The following SASH1 variants were observed in gnomAD, a reference collection of about 807,000 sequenced individuals.
SASH1 encodes SAM and SH3 domain containing 1.
SASH1 carries 44 observed loss-of-function variants against 125.2 expected under a neutral mutation model. The ratio of observed to expected loss-of-function variants is 0.35; its 90% CI spans 0.28 to 0.45. SASH1 has a LOEUF of 0.45. SASH1 is among the 20% of genes least tolerant of loss of function. SASH1 has a pLI of 1.00. For synonymous variants in SASH1, 639 were observed against 649.1 expected (o/e 0.98, Z 0.24); for missense variants, 1,426 against 1,614.5 (o/e 0.88, Z 2.00).
intron 1 of SASH1, among the ~76,000 whole-genome samples, chr6:148,284,667 A>G (rs1422180412): frequency 5.3e-5 from 8 of 152,226 alleles, no homozygotes; most frequent in Admixed American, 5.2e-4. Context: ...AACCATTACA[A>G]ACTCTTTGAG....
chr6:148,290,463 G>C (rs545952023), intron 1 of SASH1, among the ~76,000 whole-genome samples: 1 of 151,742 alleles, frequency 6.6e-6, no homozygotes, highest in Non-Finnish European at 1.5e-5. Flanking sequence ...AAAATTAGCC[G>C]GGCGTGGTGG....
At chr6:148,300,442 ATTTTT>A (rs34126353) in intron 1 of SASH1, among the ~76,000 whole-genome samples, 8,117 of 108,326 alleles carry the variant, frequency 0.075, 265 homozygotes, top group Admixed American at 0.12. Flanking sequence ...CAGAAACAAG[ATTTTT>A]TTTTTTTTTT....
chr6:148,440,689 T>A, intron 4 of SASH1: 1 of 416,076 alleles, frequency 2.4e-6, no homozygotes, highest in Non-Finnish European at 4.3e-6. Context: ...AAAGGATAGG[T>A]GCATTAACCA....
At chr6:148,219,580 A>G in the SASH1 span, among the ~76,000 whole-genome samples, 1 of 152,172 alleles carries the variant, frequency 6.6e-6, no homozygotes, top group African/African-American at 2.4e-5. Flanking sequence ...ACGCAGATAC[A>G]GGTGAAATGG....
chr6:148,457,390 C>G (rs2115064444), intron 4 of SASH1, among the ~76,000 whole-genome samples: 1 of 152,130 alleles, frequency 6.6e-6, no homozygotes, highest in South Asian at 2.1e-4. Context: ...ACTAGTGAAC[C>G]CCTTGACTCC....
intron 8 of SASH1, among the ~76,000 whole-genome samples, chr6:148,506,824 A>G (rs563126254): frequency 1.6e-4 from 24 of 152,322 alleles, no homozygotes; most frequent in African/African-American, 5.3e-4. Flanking sequence ...ACTTTGCAGC[A>G]TAGTTGTCAG....
chr6:148,438,595 G>T (rs1309358974), intron 2 of SASH1, among the ~76,000 whole-genome samples: 1 of 151,986 alleles, frequency 6.6e-6, no homozygotes, highest in African/African-American at 2.4e-5. Context: ...CCTGAGATTA[G>T]GGGAAGAGTG....
chr6:148,281,956 T>A, intron 1 of SASH1, among the ~76,000 whole-genome samples: 1 of 150,020 alleles, frequency 6.7e-6, no homozygotes, highest in African/African-American at 2.4e-5. Context: ...GAAAGAAAAC[T>A]CCAAGAAAGA....
chr6:148,307,630 A>G (rs1474050659), intron 1 of SASH1, among the ~76,000 whole-genome samples: 1 of 152,098 alleles, frequency 6.6e-6, no homozygotes, highest in Non-Finnish European at 1.5e-5. Flanking sequence ...AGGTTGATGT[A>G]TGACTGATCC....
chr6:148,362,239 T>C (rs1235525136), intron 1 of SASH1, among the ~76,000 whole-genome samples: 1 of 150,908 alleles, frequency 6.6e-6, no homozygotes, highest in African/African-American at 2.4e-5. Context: ...TTTTTTTTTT[T>C]TGAGATGGAG....
chr6:148,221,607 G>A, the SASH1 span, among the ~76,000 whole-genome samples: 24,823 of 152,154 alleles, frequency 0.16, 2,298 homozygotes, highest in African/African-American at 0.26. Flanking sequence ...GCTACTTTAA[G>A]GCAGGAGGAA....
At chr6:148,492,635 T>C (rs775753614) in intron 8 of SASH1, among the ~76,000 whole-genome samples, 2 of 151,934 alleles carry the variant, frequency 1.3e-5, no homozygotes, top group East Asian at 1.9e-4. Context: ...CAGGCCAACA[T>C]GGTGAAACCC....
At chr6:148,426,430 A>T (rs144955767) in intron 2 of SASH1, among the ~76,000 whole-genome samples, 39 of 152,106 alleles carry the variant, frequency 2.6e-4, no homozygotes, top group African/African-American at 8.0e-4. Flanking sequence ...GCTTCCTCCA[A>T]TTGATCCTGA....
At chr6:148,288,499 C>T (rs4896985) in intron 1 of SASH1, among the ~76,000 whole-genome samples, 105,027 of 151,638 alleles carry the variant, frequency 0.69, 36,444 homozygotes, top group East Asian at 0.75. Flanking sequence ...TGCATCCGTA[C>T]ATGAACCAGG....
At position 148,462,234 on chromosome 6, in the gene SASH1, C is replaced by T. The variant is rs376271519; in HGVS notation, c.387-6311C>T. Among the ~76,000 whole-genome samples, 5 of 152,046 alleles carry T rather than the reference C, an allele frequency of 3.3e-5. No homozygotes were observed. In the South Asian group the frequency reaches 1.0e-3, roughly 32 times the overall value. Reference sequence around the variant, plus strand: ...CCCTTAAGTACAGGTTTTCCAGTAACATATAGCATATGTTCCTTTCTTGGA... The same window carrying T: ...CCCTTAAGTACAGGTTTTCCAGTAATATATAGCATATGTTCCTTTCTTGGA... On this transcript the variant is annotated intron_variant, in intron 4 of 19. Coordinates refer to ENST00000367467, the MANE Select transcript of SASH1 (RefSeq NM_015278.5).
chr6:148,201,748 G>A, the SASH1 span, among the ~76,000 whole-genome samples: 1 of 152,172 alleles, frequency 6.6e-6, no homozygotes, highest in East Asian at 1.9e-4. Flanking sequence ...AGGACCAGTG[G>A]AAGTGACATT....
chr6:148,426,941 C>T (rs955665963), intron 2 of SASH1, among the ~76,000 whole-genome samples: 1 of 151,958 alleles, frequency 6.6e-6, no homozygotes, highest in African/African-American at 2.4e-5. Flanking sequence ...TGAGACCAGC[C>T]TGGTCAGCAT....
intron 1 of SASH1, among the ~76,000 whole-genome samples, chr6:148,346,525 G>A (rs1781526739): frequency 6.6e-6 from 1 of 151,668 alleles, no homozygotes; most frequent in Non-Finnish European, 1.5e-5. Flanking sequence ...TGAGTGCCTG[G>A]AGGGCAGGGT....
chr6:148,233,260 G>A, the SASH1 span, among the ~76,000 whole-genome samples: 13 of 151,104 alleles, frequency 8.6e-5, no homozygotes, highest in South Asian at 2.5e-3. Context: ...AGGGTAGAGC[G>A]AAGATTGAGA....
Sources: gnomAD v4.1 joint callset for allele counts (sites outside exome capture counted in the v4.1 genomes callset) on GRCh38, gnomAD v4.1.1 for gene constraint, MANE v1.5 for transcripts, NCBI Gene and HGNC (gene_info 2026-07-23, HGNC 2026-07-21) for gene names.